The following AKAP19 variants were observed in gnomAD, a reference collection of about 807,000 sequenced individuals.
AKAP19 encodes the protein A-kinase anchoring protein 19.
the AKAP19 span, among the ~76,000 whole-genome samples, chr2:190,058,533 A>C: frequency 1.3e-5 from 2 of 152,094 alleles, no homozygotes; most frequent in East Asian, 1.9e-4. Flanking sequence ...AAAATTGTAT[A>C]GTCTTTTAGA....
the AKAP19 span, among the ~76,000 whole-genome samples, chr2:190,023,599 T>C: frequency 6.6e-6 from 1 of 151,942 alleles, no homozygotes. Flanking sequence ...TTTCTGTTTT[T>C]ATTCCAGTGT....
At chr2:190,044,706 G>A in the AKAP19 span, among the ~76,000 whole-genome samples, 7,268 of 152,246 alleles carry the variant, frequency 0.048, 361 homozygotes, top group African/African-American at 0.12. Context: ...TTAGGCTGCT[G>A]CAGTATGCTT....
At chr2:189,884,191 G>C in the AKAP19 span, among the ~76,000 whole-genome samples, 4 of 152,110 alleles carry the variant, frequency 2.6e-5, no homozygotes, top group Admixed American at 2.0e-4. Flanking sequence ...TATTTATGGG[G>C]AAAAATGGTA....
At chr2:190,192,965 T>C in the AKAP19 span, among the ~76,000 whole-genome samples, 2 of 152,044 alleles carry the variant, frequency 1.3e-5, no homozygotes, top group Admixed American at 6.6e-5. Flanking sequence ...ATAATGGCAG[T>C]TTTCTCCTTC....
chr2:189,946,093 A>G, the AKAP19 span, among the ~76,000 whole-genome samples: 2 of 152,226 alleles, frequency 1.3e-5, no homozygotes, highest in Non-Finnish European at 2.9e-5. Flanking sequence ...TCATGGAGAA[A>G]TTACTCAAAC....
At chr2:190,108,958 C>T in the AKAP19 span, among the ~76,000 whole-genome samples, 3 of 152,118 alleles carry the variant, frequency 2.0e-5, no homozygotes, top group Non-Finnish European at 4.4e-5. Flanking sequence ...TTTCTGCTTT[C>T]TTTGGCTCTG....
chr2:190,134,924 AAGT>A, the AKAP19 span, among the ~76,000 whole-genome samples: 1 of 152,076 alleles, frequency 6.6e-6, no homozygotes, highest in Non-Finnish European at 1.5e-5. Context: ...ATATTCCTAT[AAGT>A]AGAATAATTG....
At chr2:190,152,918 C>T in the AKAP19 span, among the ~76,000 whole-genome samples, 175 of 141,730 alleles carry the variant, frequency 1.2e-3, no homozygotes, top group South Asian at 7.6e-3. Flanking sequence ...TTTTTTGAGA[C>T]GAAGTCTCAC....
the AKAP19 span, among the ~76,000 whole-genome samples, chr2:190,031,310 C>T: frequency 6.6e-6 from 1 of 152,162 alleles, no homozygotes; most frequent in African/African-American, 2.4e-5. Flanking sequence ...CTGATTGTGT[C>T]TTGAATCCCA....
At chr2:190,024,038 A>G in the AKAP19 span, among the ~76,000 whole-genome samples, 1 of 151,820 alleles carries the variant, frequency 6.6e-6, no homozygotes, top group Non-Finnish European at 1.5e-5. Context: ...ATAAAGTTCA[A>G]CATATCCTCC....
At chr2:189,959,494 G>A in the AKAP19 span, among the ~76,000 whole-genome samples, 1 of 151,944 alleles carries the variant, frequency 6.6e-6, no homozygotes, top group Non-Finnish European at 1.5e-5. Flanking sequence ...CTCATTAGCA[G>A]TCCTAAGCAT....
chr2:189,961,848 G>A, the AKAP19 span, among the ~76,000 whole-genome samples: 3 of 151,698 alleles, frequency 2.0e-5, no homozygotes, highest in East Asian at 5.8e-4. Context: ...GGAGGTGGAG[G>A]TTGCAGTGAG....
chr2:190,052,741 C>A, the AKAP19 span, among the ~76,000 whole-genome samples: 1 of 152,116 alleles, frequency 6.6e-6, no homozygotes. Context: ...GTTAGGATAA[C>A]AAATTAAAGG....
the AKAP19 span, among the ~76,000 whole-genome samples, chr2:190,027,880 G>T: frequency 1.3e-5 from 2 of 152,024 alleles, no homozygotes; most frequent in Non-Finnish European, 1.5e-5. Flanking sequence ...AATTATATTT[G>T]TTTGGCATCT....
the AKAP19 span, chr2:190,062,138 A>G: frequency 6.7e-7 from 1 of 1,484,652 alleles, no homozygotes; most frequent in Non-Finnish European, 9.3e-7. Flanking sequence ...AGCTTGTTTA[A>G]AAGAGCCTGA....
chr2:190,199,860 C>T, the AKAP19 span: 5 of 1,613,118 alleles, frequency 3.1e-6, no homozygotes, highest in South Asian at 4.4e-5. Context: ...CTCTTCATAA[C>T]ATGGGCTGCA....
At chr2:190,121,892 TTTTG>T in the AKAP19 span, among the ~76,000 whole-genome samples, 52 of 152,302 alleles carry the variant, frequency 3.4e-4, no homozygotes, top group African/African-American at 8.2e-4. Context: ...TTTTGTGTTT[TTTTG>T]TTTGTTTGTT....
At chr2:190,162,504 CCATGCT>C in the AKAP19 span, among the ~76,000 whole-genome samples, 1 of 152,036 alleles carries the variant, frequency 6.6e-6, no homozygotes, top group Non-Finnish European at 1.5e-5. Flanking sequence ...AAAAACAATA[CCATGCT>C]TCTCACAAAA....
the AKAP19 span, among the ~76,000 whole-genome samples, chr2:189,954,971 G>C: frequency 1.3e-5 from 2 of 152,176 alleles, no homozygotes; most frequent in Non-Finnish European, 2.9e-5. Flanking sequence ...TATGGACTTA[G>C]GGGTACAAGT....
Sources: allele counts gnomAD v4.1 joint callset (sites outside exome capture counted in the v4.1 genomes callset), GRCh38; gene constraint gnomAD v4.1.1; transcripts MANE v1.5; gene names NCBI Gene and HGNC (gene_info 2026-07-23, HGNC 2026-07-21).